The following TNFRSF10A variants were observed in gnomAD, a reference collection of about 807,000 sequenced individuals.
The protein encoded by TNFRSF10A is TNF receptor superfamily member 10a.
Under a neutral mutation model 42.8 loss-of-function variants are expected in TNFRSF10A, and 44 were observed. The observed-to-expected ratio is 1.03, with a 90% confidence interval of 0.81 to 1.32. The LOEUF (loss-of-function observed/expected upper bound fraction) is 1.32, where lower values mean the gene tolerates loss of function less well. Among genes scored for constraint, TNFRSF10A ranks in the 40% most tolerant of loss-of-function variants. The pLI, the probability that TNFRSF10A is intolerant of heterozygous loss-of-function variation, is 0.00. For synonymous variants in TNFRSF10A, 259 were observed against 234.2 expected, an observed-to-expected ratio of 1.11 and a Z score of -0.97; for missense variants, 680 against 602.0, an observed-to-expected ratio of 1.13 and a Z score of -1.36.
rs1800834028 is a variant in TNFRSF10A, at chr8:23,197,155, G to T, written c.1064C>A (p.Ala355Glu). The T allele has an allele frequency of 1.9e-6, 3 of 1,614,180 alleles. No homozygotes were observed. Among genetic ancestry groups the T allele is most frequent in the African/African-American group, 1.3e-5 (1 of 75,058 alleles). The part of the protein sequence containing the change: ...GSQRRRLLVP[A>E]NGADPTETLM... ...ACTCTCAGTGGGGTCAGCACCATTT[G>T]CTGGAACCAGCAGCCTCCTCCTCTG... is the stretch of plus-strand genomic sequence containing the variant. The change falls in exon 9 of 10, where the codon GCA becomes GAA. Residue 355 changes from alanine to glutamate, a missense_variant. Coordinates refer to ENST00000221132, the MANE Select transcript of TNFRSF10A (RefSeq NM_003844.4).
rs1323983176 is a variant in TNFRSF10A at position 23,219,101 on chromosome 8, T to A, written c.306+5655A>T. Among the ~76,000 whole-genome samples the A allele has an allele frequency of 1.8e-3, 274 of 150,228 alleles. 1 individual carries two copies. Among genetic ancestry groups the A allele is most frequent in the African/African-American group, 6.5e-3 (266 of 40,946 alleles). On this transcript the variant is annotated intron_variant, in intron 1 of 9. Coordinates refer to ENST00000221132, the MANE Select transcript of TNFRSF10A (RefSeq NM_003844.4). Reference sequence around the variant, plus strand: ...GCACAGCCTCTCTGGAGGTGGGGGGTGGGGGAGGTGGCCCCCATGCTTCCT... The same window carrying A: ...GCACAGCCTCTCTGGAGGTGGGGGGAGGGGGAGGTGGCCCCCATGCTTCCT...
At chr8:23,220,882 C>T (rs1280316285) in intron 1 of TNFRSF10A, among the ~76,000 whole-genome samples, 1 of 152,210 alleles carries the variant, frequency 6.6e-6, no homozygotes, top group East Asian at 1.9e-4. Flanking sequence ...TCTGCAGCCA[C>T]ATGGATGGAG....
intron 2 of TNFRSF10A, among the ~76,000 whole-genome samples, chr8:23,206,120 A>G (rs1801004669): frequency 1.3e-5 from 2 of 152,236 alleles, no homozygotes; most frequent in African/African-American, 2.4e-5. Context: ...ATAAAGAAAG[A>G]ACATTTTTTG....
chr8:23,215,750 C>CCAAT (rs1801169429), intron 1 of TNFRSF10A, among the ~76,000 whole-genome samples: 1 of 151,820 alleles, frequency 6.6e-6, no homozygotes, highest in African/African-American at 2.4e-5. Context: ...AATAACATCC[C>CCAAT]ATCATTAATT....
chr8:23,207,356 T>C lies in TNFRSF10A; in HGVS notation c.404-4595A>G, dbSNP rs1253955748. ...CATGTCTTGGATGTTGCCAACAAAA[T>C]TGGGATCATCTAAACTGAATCCAGC... is the stretch of plus-strand genomic sequence containing the variant. On this transcript the variant is annotated intron_variant, in intron 2 of 9. Transcript: ENST00000221132. 3 of 582,612 alleles carry C rather than the reference T, an allele frequency of 5.1e-6. No homozygotes were observed. The African/African-American group carries it at 5.6e-5, about 11-fold the overall frequency. The allele number at this position is 582,612 out of a possible 1,614,324, so 36.1% of individuals were successfully genotyped here.
intron 4 of TNFRSF10A, 104 bp from the exon 5 acceptor site, chr8:23,200,864 C>G (rs1306924599): frequency 9.2e-7 from 1 of 1,083,142 alleles, no homozygotes; most frequent in East Asian, 2.3e-5. Flanking sequence ...GAGAAGGCGT[C>G]AGGGGAAGGA....
Position 23,224,750 on chromosome 8 carries a change from A to C in TNFRSF10A, c.306+6T>G. The C allele has an allele frequency of 6.4e-7, 1 of 1,560,374 alleles. No homozygotes were observed. Among genetic ancestry groups the C allele is most frequent in the Non-Finnish European group, 8.7e-7 (1 of 1,152,832 alleles). On this transcript the variant is annotated splice_donor_region_variant and intron_variant, in intron 1 of 9. Coordinates refer to ENST00000221132, the MANE Select transcript of TNFRSF10A (RefSeq NM_003844.4). ...TTCCCCAGGCAGGACCGCGGTGGGGACTCACCTGCAGCAGGACCCCGACGA... is the reference window on the plus strand; with the variant it reads ...TTCCCCAGGCAGGACCGCGGTGGGGCCTCACCTGCAGCAGGACCCCGACGA...
chr8:23,192,413 GCC>G (rs1800769173), intron 9 of TNFRSF10A, among the ~76,000 whole-genome samples: 2 of 152,344 alleles, frequency 1.3e-5, no homozygotes, highest in Middle Eastern at 3.4e-3. Flanking sequence ...TCCCAGGGTG[GCC>G]ACTTCTGCAT....
intron 4 of TNFRSF10A, 85 bp from the exon 5 acceptor site, chr8:23,200,845 A>G (rs1800902993): frequency 7.8e-7 from 1 of 1,282,462 alleles, no homozygotes. Context: ...CTCCCTGCCC[A>G]ATGTCCCTGA....
chr8:23,202,557 TG>T, intron 3 of TNFRSF10A, 90 bp downstream of exon 3: 1 of 961,988 alleles, frequency 1.0e-6, no homozygotes, highest in Admixed American at 1.8e-5. Flanking sequence ...CAAGTTGGGC[TG>T]GAACTTGGTT....
chr8:23,212,157 T>G lies in TNFRSF10A; in HGVS notation c.362A>C (p.Gln121Pro). 6.2e-7 allele frequency: 1 copy of G among 1,613,952 alleles called. No individual in the cohort carries two copies. The highest frequency in any genetic ancestry group is 8.5e-7 in the Non-Finnish European group (1 of 1,179,862). The change falls in exon 2 of 10, where the codon CAG becomes CCG. Residue 121 changes from glutamine to proline, a missense_variant. Transcript: ENST00000221132. ...IKLHDQSIGT[Q>P]QWEHSPLGEL... ...TCCCAAAGGGCTATGTTCCCATTGC[T>G]GTGTGCCAATTGATTGATCATGAAG...
At chr8:23,224,643 T>C (rs1585291027) in intron 1 of TNFRSF10A, 113 bp downstream of exon 1, 5 of 1,357,438 alleles carry the variant, frequency 3.7e-6, no homozygotes, top group Non-Finnish European at 4.0e-6. Flanking sequence ...TGCCCGGACA[T>C]GCCCCGCCAC....
chr8:23,201,067 C>G (rs1727690843), intron 4 of TNFRSF10A, among the ~76,000 whole-genome samples: 1 of 152,168 alleles, frequency 6.6e-6, no homozygotes, highest in Non-Finnish European at 1.5e-5. Flanking sequence ...AGGAATCACA[C>G]TCCAGGGGAA....
In TNFRSF10A at chr8:23,191,809, G is replaced by A. The variant is rs1365555146; in HGVS notation, c.1292C>T (p.Ala431Val). 1.9e-6 allele frequency: 3 copies of A among 1,613,944 alleles called. No individual in the cohort carries two copies. The highest frequency in any genetic ancestry group is 3.3e-5 in the Admixed American group (2 of 59,990). ...RNASIHTLLD[A>V]LERMEERHAR... The stretch of plus-strand genomic sequence containing the variant: ...ATGTCTCTCTTCCATCCTCTCCAAG[G>A]CATCCAGCAGGGTGTGGATCGAGGC... Residue 431 changes from alanine to valine, a missense_variant, in exon 10 of 10, where the codon GCC (alanine) becomes GTC (valine). By Grantham distance (64) the Ala-to-Val change is moderately conservative. Coordinates refer to ENST00000221132, the MANE Select transcript of TNFRSF10A (RefSeq NM_003844.4).
chr8:23,200,846 A>G (rs556843856), intron 4 of TNFRSF10A, 86 bp from the exon 5 acceptor site: 74 of 1,281,310 alleles, frequency 5.8e-5, no homozygotes, highest in East Asian at 4.1e-4. Context: ...TCCCTGCCCA[A>G]TGTCCCTGAG....
At chr8:23,198,039 T>C (rs1189119588) in intron 8 of TNFRSF10A, among the ~76,000 whole-genome samples, 5 of 152,180 alleles carry the variant, frequency 3.3e-5, no homozygotes, top group African/African-American at 1.2e-4. Flanking sequence ...TAATTACATT[T>C]TTGGTTAGAA....
intron 9 of TNFRSF10A, among the ~76,000 whole-genome samples, chr8:23,192,582 ATG>A (rs777971176): frequency 7.2e-5 from 11 of 152,186 alleles, no homozygotes; most frequent in Non-Finnish European, 1.5e-4. Flanking sequence ...ATGAAATGAG[ATG>A]TGTGTGCAAA....
At position 23,191,499 on chromosome 8, in the gene TNFRSF10A, G is replaced by T. The variant is rs926930521; in HGVS notation, c.*195C>A. On this transcript the variant is annotated 3_prime_UTR_variant, in exon 10 of 10. Coordinates refer to ENST00000221132, the MANE Select transcript of TNFRSF10A (RefSeq NM_003844.4). ...TTTTTTTGTAAAGACGGCATTTCACGATGTTGGTCAGGCTGGTCTTGAACT... is the reference window on the plus strand; with the variant it reads ...TTTTTTTGTAAAGACGGCATTTCACTATGTTGGTCAGGCTGGTCTTGAACT... 8.8e-6 allele frequency: 6 copies of T among 685,236 alleles called. No homozygotes were observed. The highest frequency in any genetic ancestry group is 1.4e-5 in the Non-Finnish European group (6 of 429,114). 42.4% of individuals were successfully genotyped at this position (685,236 alleles called of 1,614,324 possible).
At chr8:23,208,756 G>A (rs562750964) in intron 2 of TNFRSF10A, among the ~76,000 whole-genome samples, 8 of 151,892 alleles carry the variant, frequency 5.3e-5, no homozygotes, top group South Asian at 4.2e-4. Flanking sequence ...GCGCCTGGCC[G>A]GCATTCAGTT....
Sources: allele counts gnomAD v4.1 joint callset (sites outside exome capture counted in the v4.1 genomes callset), GRCh38; gene constraint gnomAD v4.1.1; transcripts MANE v1.5; gene names NCBI Gene and HGNC (gene_info 2026-07-23, HGNC 2026-07-21).